Variants in TUBGCP3 observed in about 807,000 individuals in gnomAD.
TUBGCP3 encodes the protein gamma-tubulin complex component 3.
TUBGCP3 carries 50 observed loss-of-function variants against 123.1 expected under a neutral mutation model. The observed-to-expected ratio is 0.41, with a 90% CI of 0.32 to 0.51. The LOEUF (loss-of-function observed/expected upper bound fraction) is 0.51. TUBGCP3 is among the 20% of genes least tolerant of loss of function. The pLI is 0.36. For synonymous variants in TUBGCP3, 405 were observed against 413.9 expected (o/e 0.98, Z 0.26); for missense variants, 882 against 1,127.0 (o/e 0.78, Z 3.11).
chr13:112,495,451 T>C (rs1006952898), intron 20 of TUBGCP3, among the ~76,000 whole-genome samples: 5 of 152,248 alleles, frequency 3.3e-5, no homozygotes, highest in Non-Finnish European at 5.9e-5. Flanking sequence ...AAATTATTCA[T>C]GCAAACCTTT....
chr13:112,554,601 C>G (rs941038960), intron 7 of TUBGCP3, among the ~76,000 whole-genome samples: 1 of 152,210 alleles, frequency 6.6e-6, no homozygotes, highest in Admixed American at 6.5e-5. Flanking sequence ...CCTCTGTCCC[C>G]TGGGTGCCTC....
intron 3 of TUBGCP3, among the ~76,000 whole-genome samples, chr13:112,564,787 G>T: frequency 6.6e-6 from 1 of 152,194 alleles, no homozygotes; most frequent in East Asian, 1.9e-4. Flanking sequence ...GTCAGATAAA[G>T]TTTAGCTATT....
At position 112,565,157 on chromosome 13, in the gene TUBGCP3, G is replaced by T; in HGVS notation, c.206C>A (p.Ala69Glu). 6.2e-7 allele frequency: 1 copy of T among 1,613,390 alleles called. No individual in the cohort carries two copies. Among genetic ancestry groups the T allele is most frequent in the Non-Finnish European group, 8.5e-7 (1 of 1,179,926 alleles). ...GAGTTCTGAAAATAATGCAGCATCT[G>T]CTTCTCTTCGTTGTCGAATAACTGA... ...KKELIRQRREADAALFSELHR... is the reference protein window; with the variant it reads ...KKELIRQRREEDAALFSELHR... Residue 69 changes from alanine (A) to glutamate (E), a missense_variant, in exon 3 of 22, where the codon GCA becomes GAA. Physicochemically the swap from Ala to Glu is moderately radical, Grantham distance 107. Around this residue, in one of 3 missense-constraint regions of TUBGCP3, gnomAD observed 713 missense variants for 874.0 expected, o/e 0.82. Transcript: ENST00000261965.
chr13:112,506,332 G>A (rs1253101841), intron 17 of TUBGCP3, among the ~76,000 whole-genome samples: 4 of 152,178 alleles, frequency 2.6e-5, no homozygotes, highest in South Asian at 2.1e-4. Context: ...GGGCTCAAGC[G>A]CCTCCCCTGC....
intron 2 of TUBGCP3, among the ~76,000 whole-genome samples, chr13:112,568,098 AC>A (rs1881105758): frequency 6.6e-6 from 1 of 151,838 alleles, no homozygotes; most frequent in South Asian, 2.1e-4. Flanking sequence ...TATTACTGAG[AC>A]CCAAGGCCAA....
At chr13:112,527,546 A>G in intron 11 of TUBGCP3, 62 bp from the exon 12 acceptor site, 2 of 1,129,528 alleles carry the variant, frequency 1.8e-6, no homozygotes, top group Non-Finnish European at 2.7e-6. Context: ...ATTAACCAAC[A>G]GCAACATCAA....
chr13:112,567,388 C>T (rs1881033843), intron 2 of TUBGCP3, among the ~76,000 whole-genome samples: 1 of 152,184 alleles, frequency 6.6e-6, no homozygotes, highest in Admixed American at 6.5e-5. Flanking sequence ...GTAATATGCT[C>T]ACCACGAGGC....
intron 13 of TUBGCP3, among the ~76,000 whole-genome samples, chr13:112,522,973 T>C (rs1003912768): frequency 2.0e-5 from 3 of 152,158 alleles, no homozygotes; most frequent in African/African-American, 7.2e-5. Flanking sequence ...CGGAGATTGG[T>C]GGAGATGTCT....
the TUBGCP3 span, chr13:112,604,396 C>T: frequency 3.9e-5 from 6 of 152,344 alleles, no homozygotes; most frequent in African/African-American, 9.6e-5. Flanking sequence ...CTCCCAGACT[C>T]GAGTAATCCT....
chr13:112,554,902 G>A lies in TUBGCP3; in HGVS notation c.825C>T (p.Tyr275=), dbSNP rs986957020. ...GTTACTGTACCTTTCCTTCTACTTT[G>A]TAACAATTTTCAGTGTTGTTCATTT... The part of the protein sequence containing the change: ...NIKMNNTENC[Y]KVEGKANLSR... The change falls in exon 7 of 22, where the codon TAC becomes TAT. Residue 275 remains tyrosine (Y), a synonymous_variant. Coordinates refer to ENST00000261965, the MANE Select transcript of TUBGCP3 (RefSeq NM_006322.6). 8 of 1,604,782 alleles carry A rather than the reference G, an allele frequency of 5.0e-6. No homozygotes were observed. The highest frequency in any genetic ancestry group is 6.8e-6 in the Non-Finnish European group (8 of 1,176,194).
chr13:112,548,231 A>AT (rs1879229585), intron 8 of TUBGCP3, 55 bp from the exon 9 acceptor site: 3 of 1,406,580 alleles, frequency 2.1e-6, no homozygotes, highest in African/African-American at 2.8e-5. Flanking sequence ...ACATTGACTG[A>AT]TTTTAAGTGG....
At chr13:112,510,365 A>G (rs1881598731) in intron 17 of TUBGCP3, among the ~76,000 whole-genome samples, 1 of 152,138 alleles carries the variant, frequency 6.6e-6, no homozygotes, top group African/African-American at 2.4e-5. Context: ...TTTGTTCACA[A>G]TTTCAAAATC....
At chr13:112,593,945 C>A in the TUBGCP3 span, among the ~76,000 whole-genome samples, 1 of 152,040 alleles carries the variant, frequency 6.6e-6, no homozygotes, top group African/African-American at 2.4e-5. Flanking sequence ...ATAAAATGGA[C>A]AAATTCCTAA....
intron 2 of TUBGCP3, among the ~76,000 whole-genome samples, chr13:112,567,245 T>C (rs1180864200): frequency 6.6e-6 from 1 of 152,218 alleles, no homozygotes; most frequent in Non-Finnish European, 1.5e-5. Context: ...TTGCTGCAGT[T>C]TTCTTCTTTA....
chr13:112,564,617 A>G (rs1880807631), intron 3 of TUBGCP3, among the ~76,000 whole-genome samples: 1 of 152,142 alleles, frequency 6.6e-6, no homozygotes, highest in Admixed American at 6.5e-5. Flanking sequence ...GGAGTTTGAG[A>G]CCAGCCTGGG....
At chr13:112,600,938 A>G in the TUBGCP3 span, among the ~76,000 whole-genome samples, 1 of 152,192 alleles carries the variant, frequency 6.6e-6, no homozygotes, top group Non-Finnish European at 1.5e-5. Flanking sequence ...CTGTAATCCC[A>G]GCACTTTGAG....
Position 112,519,689 on chromosome 13 carries a change from A to C in TUBGCP3, c.1881+197T>G, listed in dbSNP as rs112509508. 0.027 allele frequency among the ~76,000 whole-genome samples: 4,038 copies of C among 152,358 alleles called. 92 individuals are homozygous for C. Among genetic ancestry groups the C allele is most frequent in the Middle Eastern group, 0.082 (24 of 294 alleles). On this transcript the variant is annotated intron_variant, in intron 15 of 21. Transcript: ENST00000261965. The surrounding 1 kb of genome is among the most constrained non-coding windows in gnomAD (Gnocchi z 6.2). ...CTGCAAGATGGGCAAACGGAAACCC[A>C]GATGGTGGAGAGGGAGCAGATGTGC...
intron 11 of TUBGCP3, among the ~76,000 whole-genome samples, chr13:112,544,286 T>A (rs1176194109): frequency 6.6e-6 from 1 of 151,812 alleles, no homozygotes; most frequent in South Asian, 2.1e-4. Context: ...ACCCCGTCTC[T>A]ACTAAAAATA....
intron 11 of TUBGCP3, among the ~76,000 whole-genome samples, chr13:112,538,018 T>C (rs555795369): frequency 1.2e-4 from 18 of 152,224 alleles, no homozygotes; most frequent in Non-Finnish European, 2.2e-4. Context: ...TCCCCCACCT[T>C]GTGGCCTCCA....
Sources: gnomAD v4.1 joint callset for allele counts (sites outside exome capture counted in the v4.1 genomes callset) on GRCh38, gnomAD v4.1.1 for gene constraint, gnomAD v4.1.1 regional missense constraint, Gnocchi (gnomAD v3.1) non-coding constraint, MANE v1.5 for transcripts, NCBI Gene and HGNC (gene_info 2026-07-23, HGNC 2026-07-21) for gene names.